The following NKAIN3 variants were observed in gnomAD, a reference collection of about 807,000 sequenced individuals.
NKAIN3 encodes sodium/potassium transporting ATPase interacting 3.
NKAIN3 carries 25 observed loss-of-function variants against 30.2 expected under a neutral mutation model. The ratio of observed to expected loss-of-function variants is 0.83; its 90% CI spans 0.60 to 1.16. NKAIN3 has a LOEUF of 1.16. NKAIN3 is among the 50% of genes most tolerant of loss of function. The probability of loss-of-function intolerance (pLI) is 0.00; values close to 1 mark genes in which losing one functional copy is unlikely to be tolerated. For missense variants in NKAIN3, 225 were observed against 254.1 expected, an observed-to-expected ratio of 0.89 and a Z score of 0.78; for synonymous variants, 91 against 89.6, an observed-to-expected ratio of 1.02 and a Z score of -0.09.
At chr8:62,531,114 G>A (rs1327321124) in intron 1 of NKAIN3, among the ~76,000 whole-genome samples, 1 of 152,018 alleles carries the variant, frequency 6.6e-6, no homozygotes, top group East Asian at 1.9e-4. Context: ...AGCCACAGTC[G>A]GGGGCCTGAG....
rs566283875 is a variant in NKAIN3, at chr8:62,925,193, G to A, written c.532+6680G>A. Among the ~76,000 whole-genome samples the A allele has an allele frequency of 7.9e-5, 12 of 152,230 alleles. No homozygotes were observed. The South Asian group carries it at 2.5e-3, about 32-fold the overall frequency. On this transcript the variant is annotated intron_variant, in intron 5 of 6. Coordinates refer to ENST00000623646, the MANE Select transcript of NKAIN3 (RefSeq NM_001304533.3). ...ATTGCATCCCCCACTCATAAAAGGT[G>A]GAGATCATATCTTACCTACCGTAGA...
chr8:62,791,821 C>T (rs1817708399), intron 4 of NKAIN3, among the ~76,000 whole-genome samples: 1 of 152,042 alleles, frequency 6.6e-6, no homozygotes, highest in Non-Finnish European at 1.5e-5. Context: ...CCAAAGGACC[C>T]AGAAGTAAAC....
At position 62,579,654 on chromosome 8, in the gene NKAIN3, A is replaced by G. The variant is rs1194055592; in HGVS notation, c.170A>G (p.Tyr57Cys). The change falls in exon 2 of 7, where the codon TAC (tyrosine) becomes TGC (cysteine). Residue 57 changes from tyrosine to cysteine, a missense_variant. Physicochemically the swap from Tyr to Cys is radical, Grantham distance 194. Coordinates refer to ENST00000623646, the MANE Select transcript of NKAIN3 (RefSeq NM_001304533.3). The part of the protein sequence containing the change: ...VILGLFGTIQ[Y>C]RPRYIMVYTV... The stretch of plus-strand genomic sequence containing the variant: ...TTGGGTTTGTTTGGGACCATTCAGT[A>G]CAGACCTCGATACATAATGGTGGTA... The G allele has an allele frequency of 6.4e-7, 1 of 1,562,502 alleles. No homozygotes were observed. The highest frequency in any genetic ancestry group is 1.4e-5 in the African/African-American group (1 of 73,104).
At chr8:62,994,356 T>G (rs1804053617) in intron 5 of NKAIN3, among the ~76,000 whole-genome samples, 1 of 152,174 alleles carries the variant, frequency 6.6e-6, no homozygotes, top group South Asian at 2.1e-4. Flanking sequence ...CAGAAGTAGG[T>G]GCAGTATGCC....
chr8:62,993,419 T>A (rs755795012), intron 5 of NKAIN3, among the ~76,000 whole-genome samples: 46 of 152,336 alleles, frequency 3.0e-4, no homozygotes, highest in Non-Finnish European at 5.7e-4. Flanking sequence ...ACTCAAACTT[T>A]AAGTTTCCAT....
chr8:62,928,181 AT>A (rs1321753298), intron 5 of NKAIN3, among the ~76,000 whole-genome samples: 1 of 152,242 alleles, frequency 6.6e-6, no homozygotes, highest in Non-Finnish European at 1.5e-5. Context: ...AATAGGGAAC[AT>A]TTGGTAAAAG....
At chr8:62,932,579 G>A (rs73262900) in intron 5 of NKAIN3, among the ~76,000 whole-genome samples, 5,941 of 152,218 alleles carry the variant, frequency 0.039, 354 homozygotes, top group African/African-American at 0.13. Context: ...ATTTAGGAAT[G>A]TTTGTGGAAA....
chr8:62,472,578 G>T (rs1806386203), intron 1 of NKAIN3, among the ~76,000 whole-genome samples: 1 of 152,144 alleles, frequency 6.6e-6, no homozygotes, highest in South Asian at 2.1e-4. Flanking sequence ...GAAGCAGCCG[G>T]CAGGCTTTAG....
intron 4 of NKAIN3, among the ~76,000 whole-genome samples, chr8:62,879,478 T>C (rs563405541): frequency 6.6e-6 from 1 of 152,338 alleles, no homozygotes; most frequent in Admixed American, 6.5e-5. Context: ...TTCACTCTGA[T>C]GGTGGTTTCT....
At chr8:62,556,743 T>C (rs2129960131) in intron 1 of NKAIN3, among the ~76,000 whole-genome samples, 1 of 151,942 alleles carries the variant, frequency 6.6e-6, no homozygotes, top group East Asian at 1.9e-4. Context: ...GTATAGCCAT[T>C]TTGAACTTAT....
chr8:62,661,248 G>T (rs16929378), intron 3 of NKAIN3, among the ~76,000 whole-genome samples: 1 of 151,906 alleles, frequency 6.6e-6, no homozygotes, highest in African/African-American at 2.4e-5. Flanking sequence ...ACAATCGAGA[G>T]AAGGTCTCCT....
At chr8:62,442,161 T>A (rs1805347843) in intron 1 of NKAIN3, among the ~76,000 whole-genome samples, 1 of 152,072 alleles carries the variant, frequency 6.6e-6, no homozygotes, top group Non-Finnish European at 1.5e-5. Context: ...TTTCTGTTTT[T>A]AGTTATCCAG....
intron 1 of NKAIN3, among the ~76,000 whole-genome samples, chr8:62,436,902 G>A (rs1805189988): frequency 6.6e-6 from 1 of 151,806 alleles, no homozygotes; most frequent in African/African-American, 2.4e-5. Context: ...GTAATGTGCG[G>A]GACACACCAA....
chr8:62,435,966 A>C (rs917447982), intron 1 of NKAIN3, among the ~76,000 whole-genome samples: 1 of 152,170 alleles, frequency 6.6e-6, no homozygotes, highest in Non-Finnish European at 1.5e-5. Flanking sequence ...TGAGTATACA[A>C]TGCTTTAACA....
At chr8:62,648,364 C>A (rs1479076712) in intron 3 of NKAIN3, among the ~76,000 whole-genome samples, 1 of 152,060 alleles carries the variant, frequency 6.6e-6, no homozygotes, top group Non-Finnish European at 1.5e-5. Context: ...CGAGGGAGAA[C>A]CCTACAGAGC....
intron 3 of NKAIN3, among the ~76,000 whole-genome samples, chr8:62,697,591 C>T (rs185648828): frequency 9.9e-5 from 15 of 152,208 alleles, no homozygotes; most frequent in Non-Finnish European, 2.1e-4. Flanking sequence ...TGTTGTTTCT[C>T]CCCTCCCCCC....
At chr8:62,492,630 C>G (rs1807106673) in intron 1 of NKAIN3, among the ~76,000 whole-genome samples, 1 of 152,146 alleles carries the variant, frequency 6.6e-6, no homozygotes. Context: ...TTACTTGTTA[C>G]TTCGCAAATT....
chr8:62,688,640 A>G (rs1813866380), intron 3 of NKAIN3, among the ~76,000 whole-genome samples: 2 of 152,260 alleles, frequency 1.3e-5, no homozygotes, highest in South Asian at 4.2e-4. Context: ...AAGTTCTGTC[A>G]AGTAAAAATT....
chr8:62,686,156 A>G (rs978122456), intron 3 of NKAIN3, among the ~76,000 whole-genome samples: 2 of 152,162 alleles, frequency 1.3e-5, no homozygotes, highest in Non-Finnish European at 2.9e-5. Flanking sequence ...CACTGATCAC[A>G]GCAAGGGCAC....
Sources: allele counts gnomAD v4.1 joint callset (sites outside exome capture counted in the v4.1 genomes callset), GRCh38; gene constraint gnomAD v4.1.1; transcripts MANE v1.5; gene names NCBI Gene and HGNC (gene_info 2026-07-23, HGNC 2026-07-21).